Variants in PSMD14 observed in about 807,000 individuals in gnomAD.
PSMD14 encodes ubiquitin C-terminal hydrolase PSMD14.
Under a neutral mutation model 41.2 loss-of-function variants are expected in PSMD14, and 7 were observed. The ratio of observed to expected loss-of-function variants is 0.17; its 90% confidence interval spans 0.10 to 0.32. The LOEUF is 0.32. Ranked by LOEUF, PSMD14 falls within the 10% of genes least tolerant of loss-of-function variation. The probability of loss-of-function intolerance (pLI) is 1.00; values close to 1 mark genes in which losing one functional copy is unlikely to be tolerated. For synonymous variants in PSMD14, 114 were observed against 122.3 expected (o/e 0.93, Z 0.45); for missense variants, 139 against 375.6 (o/e 0.37, Z 5.21).
chr2:161,339,119 G>T (rs1682911088), intron 3 of PSMD14, among the ~76,000 whole-genome samples: 1 of 152,156 alleles, frequency 6.6e-6, no homozygotes, highest in Non-Finnish European at 1.5e-5. Context: ...ACATGACATT[G>T]TATGGACAGG....
chr2:161,409,073 A>G (rs1012883982), intron 11 of PSMD14, among the ~76,000 whole-genome samples, 174 bp downstream of exon 11: 3 of 152,094 alleles, frequency 2.0e-5, no homozygotes, highest in Non-Finnish European at 2.9e-5. Flanking sequence ...CAGGTTCTCT[A>G]TAGAGAAGTA....
intron 7 of PSMD14, chr2:161,383,277 A>C (rs1683591313): frequency 6.6e-6 from 1 of 152,056 alleles, no homozygotes; most frequent in South Asian, 2.1e-4. Flanking sequence ...CAGGTTGTTG[A>C]ACATGTTAGT....
In PSMD14 at chr2:161,340,385, A is replaced by G. The variant is rs1306737995; in HGVS notation, c.48+21512A>G. Among the ~76,000 whole-genome samples the G allele has an allele frequency of 5.3e-5, 8 of 152,308 alleles. No individual in the cohort carries two copies. In the East Asian group the frequency reaches 1.5e-3, roughly 29 times the overall value. On this transcript the variant is annotated intron_variant, in intron 3 of 11. Transcript: ENST00000409682. ...GTGAGCTCTACCTCATTTGTCTCTC[A>G]TTCCTCAAAGTCTTCTGTGGTTTGG...
chr2:161,379,687 T>C (rs1275527079), intron 7 of PSMD14, among the ~76,000 whole-genome samples: 2 of 151,998 alleles, frequency 1.3e-5, no homozygotes, highest in Non-Finnish European at 2.9e-5. Context: ...AAGAGATTTA[T>C]TGGGGGAGAC....
chr2:161,329,300 T>A (rs1437985940), intron 3 of PSMD14, among the ~76,000 whole-genome samples: 4 of 152,178 alleles, frequency 2.6e-5, no homozygotes, highest in Admixed American at 2.6e-4. Context: ...CCATCATAGA[T>A]CATTGTGTAC....
chr2:161,344,807 A>T (rs542079092), intron 3 of PSMD14, among the ~76,000 whole-genome samples: 1 of 152,206 alleles, frequency 6.6e-6, no homozygotes, highest in Non-Finnish European at 1.5e-5. Flanking sequence ...GCCTGCTCAT[A>T]TGATTTTCAG....
chr2:161,361,451 C>T (rs567935104), intron 3 of PSMD14, among the ~76,000 whole-genome samples: 676 of 53,598 alleles, frequency 0.013, 3 homozygotes, highest in African/African-American at 0.042. Flanking sequence ...TTGAAAAACA[C>T]GGATAGATTT....
At chr2:161,341,592 C>T (rs549797424) in intron 3 of PSMD14, among the ~76,000 whole-genome samples, 1 of 151,388 alleles carries the variant, frequency 6.6e-6, no homozygotes, top group South Asian at 2.1e-4. Context: ...GTAATCCCAT[C>T]ATGTTGGGAG....
At chr2:161,348,097 C>T (rs1683069588) in intron 3 of PSMD14, among the ~76,000 whole-genome samples, 1 of 152,104 alleles carries the variant, frequency 6.6e-6, no homozygotes, top group African/African-American at 2.4e-5. Flanking sequence ...GTATACAACC[C>T]TCTTGGAAAA....
chr2:161,375,967 G>T (rs1448574847), intron 7 of PSMD14, among the ~76,000 whole-genome samples: 1 of 151,632 alleles, frequency 6.6e-6, no homozygotes, highest in Non-Finnish European at 1.5e-5. Flanking sequence ...TCTTTCAGGG[G>T]TGGGTAGCAA....
chr2:161,374,158 C>T (rs550718021), intron 7 of PSMD14, among the ~76,000 whole-genome samples: 1 of 151,856 alleles, frequency 6.6e-6, no homozygotes, highest in African/African-American at 2.4e-5. Flanking sequence ...AGAGTAACTG[C>T]AGAATGCAAA....
chr2:161,349,413 A>G (rs1301022128), intron 3 of PSMD14, among the ~76,000 whole-genome samples: 1 of 152,238 alleles, frequency 6.6e-6, no homozygotes, highest in Admixed American at 6.5e-5. Flanking sequence ...ATAGTGAGTC[A>G]AAAATAAAAG....
At chr2:161,365,272 C>T (rs1015863517) in intron 3 of PSMD14, among the ~76,000 whole-genome samples, 1 of 152,210 alleles carries the variant, frequency 6.6e-6, no homozygotes, top group Admixed American at 6.5e-5. Flanking sequence ...TGCTTCCTCT[C>T]TCTCGAGGTA....
chr2:161,311,841 C>T (rs1689091355), intron 1 of PSMD14, among the ~76,000 whole-genome samples: 1 of 151,928 alleles, frequency 6.6e-6, no homozygotes, highest in Admixed American at 6.6e-5. Context: ...TCTCAAACTC[C>T]TGACCTCAGG....
At chr2:161,312,145 A>ATTTTTTT (rs112312143) in intron 1 of PSMD14, among the ~76,000 whole-genome samples, 1 of 142,474 alleles carries the variant, frequency 7.0e-6, no homozygotes, top group Admixed American at 7.1e-5. Context: ...CTGAAAAGTA[A>ATTTTTTT]TTTTTTTTTT....
chr2:161,363,532 A>C (rs1474295226), intron 3 of PSMD14, among the ~76,000 whole-genome samples: 1 of 152,112 alleles, frequency 6.6e-6, no homozygotes, highest in Non-Finnish European at 1.5e-5. Context: ...GATGTCAAAT[A>C]GTTTTCTAAA....
intron 7 of PSMD14, among the ~76,000 whole-genome samples, chr2:161,373,560 CTT>C (rs1210045972): frequency 1.3e-5 from 2 of 151,832 alleles, no homozygotes; most frequent in Non-Finnish European, 2.9e-5. Flanking sequence ...GGAATATAAA[CTT>C]ATAAAAATGA....
chr2:161,339,673 G>T (rs540189834), intron 3 of PSMD14, among the ~76,000 whole-genome samples: 2 of 152,362 alleles, frequency 1.3e-5, no homozygotes, highest in South Asian at 4.1e-4. Flanking sequence ...ACGACCTATT[G>T]TATCAATTAG....
intron 3 of PSMD14, among the ~76,000 whole-genome samples, chr2:161,328,413 T>G (rs1682734849): frequency 6.6e-6 from 1 of 152,124 alleles, no homozygotes; most frequent in Non-Finnish European, 1.5e-5. Context: ...GCATGTAAAT[T>G]TAAAAAACAT....
Sources: allele counts gnomAD v4.1 joint callset (sites outside exome capture counted in the v4.1 genomes callset), GRCh38; gene constraint gnomAD v4.1.1; transcripts MANE v1.5; gene names NCBI Gene and HGNC (gene_info 2026-07-23, HGNC 2026-07-21).